Variants in TTC21A observed in about 807,000 individuals in gnomAD.
TTC21A encodes the protein tetratricopeptide repeat domain 21A.
A neutral mutation model predicts 156.4 loss-of-function variants in TTC21A; 128 were observed. The observed-to-expected ratio is 0.82, with a 90% CI of 0.71 to 0.95. The LOEUF is 0.95. Ranked by LOEUF, TTC21A falls within the 40% of genes least tolerant of loss-of-function variation. The probability of loss-of-function intolerance (pLI) is 0.00; values close to 1 mark genes in which losing one functional copy is unlikely to be tolerated. For missense variants in TTC21A, 1,435 were observed against 1,602.3 expected (o/e 0.90, Z 1.78); for synonymous variants, 587 against 617.1 (o/e 0.95, Z 0.72).
intron 23 of TTC21A, 177 bp downstream of exon 23, chr3:39,136,684 G>C (rs2039139812): frequency 6.0e-6 from 6 of 998,678 alleles, no homozygotes; most frequent in Admixed American, 2.9e-5. Context: ...GGGAGAGCCT[G>C]CAGCCTCTGG....
Position 39,120,038 on chromosome 3 carries a change from T to A in TTC21A, c.900+18T>A. ...GCCGACTGGTAAGAAGGTTCTTTCC[T>A]GGTTCTGAAATGGTGCTTCTCCCTG... On this transcript the variant is annotated intron_variant, in intron 8 of 28. Coordinates refer to ENST00000683103, the MANE Select transcript of TTC21A (RefSeq NM_001366900.1). The A allele has an allele frequency of 6.5e-7, 1 of 1,545,932 alleles. No homozygotes were observed. Among genetic ancestry groups the A allele is most frequent in the Non-Finnish European group, 8.9e-7 (1 of 1,120,546 alleles).
chr3:39,124,176 C>T (rs2038012295), intron 9 of TTC21A, among the ~76,000 whole-genome samples: 1 of 152,152 alleles, frequency 6.6e-6, no homozygotes, highest in African/African-American at 2.4e-5. Flanking sequence ...TTCATCATAG[C>T]ATTGTAGTAT....
At chr3:39,110,331 C>G (rs2036704256) in intron 3 of TTC21A, 192 bp downstream of exon 3, 1 of 646,834 alleles carries the variant, frequency 1.5e-6, no homozygotes. Context: ...CATGCCTGGG[C>G]CCAACTGAGT....
At position 39,138,651 on chromosome 3, in the gene TTC21A, C is replaced by A. The variant is rs200665377; in HGVS notation, c.3864+28C>A. 17 of 1,613,938 alleles carry A rather than the reference C, an allele frequency of 1.1e-5. No homozygotes were observed. In the East Asian group the frequency reaches 3.6e-4, roughly 34 times the overall value. ...AAGCCAGCAGCCTTGGTGGGGAGGG[C>A]CTGGTGTAGTGGTGGGGAAACCTGC... is the stretch of plus-strand genomic sequence containing the variant. On this transcript the variant is annotated intron_variant, in intron 28 of 28. Transcript: ENST00000683103.
In TTC21A at chr3:39,109,222, C is replaced by T. The variant is rs1403813729; in HGVS notation, c.157+8C>T. On this transcript the variant is annotated splice_region_variant and intron_variant, in intron 2 of 28. Coordinates refer to ENST00000683103, the MANE Select transcript of TTC21A (RefSeq NM_001366900.1). The stretch of plus-strand genomic sequence containing the variant: ...ATGGAGTCCTCAAAGAAGGTAAGGA[C>T]TTGGCAGTGTTGGTCTTGTGACCCC... 2.5e-6 allele frequency: 4 copies of T among 1,610,868 alleles called. No homozygotes were observed. Among genetic ancestry groups the T allele is most frequent in the African/African-American group, 2.7e-5 (2 of 75,006 alleles).
chr3:39,128,754 G>C lies in TTC21A; in HGVS notation c.1718G>C (p.Arg573Thr). The change falls in exon 14 of 29, where the codon AGG becomes ACG. Residue 573 changes from arginine (R) to threonine (T), a missense_variant. By Grantham distance (71) the Arg-to-Thr change is moderately conservative (BLOSUM62 -1). Transcript: ENST00000683103. Reference protein sequence around the residue: ...DHPLYHLIKARALNKAGDYPE... With the variant: ...DHPLYHLIKATALNKAGDYPE... ...CCCCTCTACCACCTCATCAAGGCCA[G>C]GGCCCTCAACAAGGCTGGAGACTAT... 6.2e-7 allele frequency: 1 copy of C among 1,614,132 alleles called. No homozygotes were observed. Among genetic ancestry groups the C allele is most frequent in the Non-Finnish European group, 8.5e-7 (1 of 1,180,030 alleles).
In TTC21A at chr3:39,110,865, C is replaced by G; in HGVS notation, c.283C>G (p.Gln95Glu). 2 of 1,613,960 alleles carry G rather than the reference C, an allele frequency of 1.2e-6. No homozygotes were observed. Among genetic ancestry groups the G allele is most frequent in the Non-Finnish European group, 1.7e-6 (2 of 1,180,002 alleles). The change falls in exon 4 of 29, where the codon CAG becomes GAG. Residue 95 changes from glutamine (Q) to glutamate (E), a missense_variant. Coordinates refer to ENST00000683103, the MANE Select transcript of TTC21A (RefSeq NM_001366900.1). ...TGGATTTACAGACCGAGAAGCAATT[C>G]AGGAGCTTGAGTACAGCCTGAAGGA... The part of the protein sequence containing the change: ...RCEIIDREAI[Q>E]ELEYSLKEIR...
At chr3:39,129,734 G>C (rs891600723) in intron 15 of TTC21A, among the ~76,000 whole-genome samples, 25 of 152,246 alleles carry the variant, frequency 1.6e-4, no homozygotes, top group Non-Finnish European at 1.2e-4. Flanking sequence ...AGTAGGGAAG[G>C]CTATCCAGCA....
At position 39,130,046 on chromosome 3, in the gene TTC21A, C is replaced by A. The variant is rs560045287; in HGVS notation, c.2136-33C>A. On this transcript the variant is annotated intron_variant, in intron 15 of 28. Transcript: ENST00000683103. This position sits in a 1 kb window ranked among gnomAD's most constrained non-coding sequence, Gnocchi z 4.5. ...TCAGGAACATGAGGTGTGTGCGAACCTGGGATAAGCTTTTGGTTACTCTTG... is the reference window on the plus strand; with the variant it reads ...TCAGGAACATGAGGTGTGTGCGAACATGGGATAAGCTTTTGGTTACTCTTG... 41 of 1,611,434 alleles carry A rather than the reference C, an allele frequency of 2.5e-5. No homozygotes were observed. In the South Asian group the frequency reaches 4.0e-4, roughly 16 times the overall value.
Position 39,130,561 on chromosome 3 carries a change from G to A in TTC21A, c.2320-140G>A. The A allele has an allele frequency of 8.5e-7, 1 of 1,169,974 alleles. No homozygotes were observed. Among genetic ancestry groups the A allele is most frequent in the Admixed American group, 2.1e-5 (1 of 48,740 alleles). The allele number at this position is 1,169,974 out of a possible 1,614,324, so 72.5% of individuals were successfully genotyped here. On this transcript the variant is annotated intron_variant, in intron 17 of 28. Transcript: ENST00000683103. The surrounding 1 kb of genome is among the most constrained non-coding windows in gnomAD (Gnocchi z 4.5). ...GCTTAAGCTGAGGGTTACACCCTGT[G>A]CCAGCTGGGAGGAGTGCCTTTTCAC...
intron 23 of TTC21A, 49 bp downstream of exon 23, chr3:39,136,556 A>G (rs1559718418): frequency 1.9e-6 from 3 of 1,592,808 alleles, no homozygotes; most frequent in South Asian, 1.1e-5. Context: ...AGGAAGCCCT[A>G]CTGGCAGATA....
At chr3:39,129,403 C>T in intron 15 of TTC21A, 93 bp downstream of exon 15, 1 of 936,966 alleles carries the variant, frequency 1.1e-6, no homozygotes. Flanking sequence ...CCTGGGTCTC[C>T]AGAATGTGTC....
intron 7 of TTC21A, chr3:39,119,032 C>T (rs1002303171): frequency 2.0e-5 from 3 of 152,206 alleles, no homozygotes; most frequent in Admixed American, 1.3e-4. Flanking sequence ...CCCTGTGACT[C>T]CAGATCCCTA....
Position 39,125,113 on chromosome 3 carries a change from C to T in TTC21A, c.1144C>T (p.Arg382Trp), listed in dbSNP as rs770437448. The change falls in exon 10 of 29, where the codon CGG becomes TGG. Residue 382 changes from arginine (R) to tryptophan (W), a missense_variant. Arg to Trp is a moderately radical substitution (Grantham distance 101, BLOSUM62 -3). Coordinates refer to ENST00000683103, the MANE Select transcript of TTC21A (RefSeq NM_001366900.1). ...LEGHLEEAEYRLEFLKEVQKS... is the reference protein window; with the variant it reads ...LEGHLEEAEYWLEFLKEVQKS... The stretch of plus-strand genomic sequence containing the variant: ...AGGCCACCTGGAGGAAGCTGAGTAC[C>T]GGCTGGAATTCCTGAAGGAGGTGCA... The T allele has an allele frequency of 4.3e-5, 70 of 1,613,884 alleles. No homozygotes were observed. The highest frequency in any genetic ancestry group is 1.6e-4 in the South Asian group (15 of 91,066).
intron 6 of TTC21A, among the ~76,000 whole-genome samples, chr3:39,116,641 A>AT (rs1374479125): frequency 6.6e-6 from 1 of 151,534 alleles, no homozygotes; most frequent in Non-Finnish European, 1.5e-5. Flanking sequence ...ATACCCAGCT[A>AT]TTTTTTTTAT....
intron 15 of TTC21A, 120 bp from the exon 16 acceptor site, chr3:39,129,959 A>G: frequency 9.5e-7 from 1 of 1,056,018 alleles, no homozygotes; most frequent in Non-Finnish European, 1.4e-6. Context: ...TTCTATAAAT[A>G]TTGATTGATG....
At chr3:39,117,315 A>T (rs748935660) in intron 6 of TTC21A, among the ~76,000 whole-genome samples, 1 of 152,240 alleles carries the variant, frequency 6.6e-6, no homozygotes, top group Non-Finnish European at 1.5e-5. Flanking sequence ...GTGTCTAATC[A>T]TGTCGGAATT....
At chr3:39,124,982 C>A (rs1439283153) in intron 9 of TTC21A, 81 bp from the exon 10 acceptor site, 19 of 899,830 alleles carry the variant, frequency 2.1e-5, no homozygotes, top group Non-Finnish European at 3.0e-5. Context: ...CTTCCACTGT[C>A]TTATCCATGC....
Position 39,138,769 on chromosome 3 carries a change from G to A in TTC21A, c.3923G>A (p.Arg1308Gln), listed in dbSNP as rs764641145. The A allele has an allele frequency of 3.8e-5, 62 of 1,613,906 alleles. No homozygotes were observed. Among genetic ancestry groups the A allele is most frequent in the Non-Finnish European group, 4.7e-5 (56 of 1,179,960 alleles). ...AGGGAGGAAATTTTGGAAAAGGCCC[G>A]AAGGTCCCTGAGGCCCTAGCTGGGG... ...KIREEILEKA[R>Q]RSLRP is the part of the protein sequence containing the mutation. The change falls in exon 29 of 29, where the codon CGA becomes CAA. Residue 1308 changes from arginine (R) to glutamine (Q), a missense_variant. By Grantham distance (43) the Arg-to-Gln change is conservative. Coordinates refer to ENST00000683103, the MANE Select transcript of TTC21A (RefSeq NM_001366900.1).
Sources: gnomAD v4.1 joint callset for allele counts (sites outside exome capture counted in the v4.1 genomes callset) on GRCh38, gnomAD v4.1.1 for gene constraint, Gnocchi (gnomAD v3.1) non-coding constraint, MANE v1.5 for transcripts, NCBI Gene and HGNC (gene_info 2026-07-23, HGNC 2026-07-21) for gene names.